Variants in TRIM5 observed in about 807,000 individuals in gnomAD.
TRIM5 encodes the protein tripartite motif containing 5.
Under a neutral mutation model 35.6 loss-of-function variants are expected in TRIM5, and 31 were observed. The ratio of observed to expected loss-of-function variants is 0.87; its 90% CI spans 0.65 to 1.18. The LOEUF is 1.18. TRIM5 is among the 50% of genes most tolerant of loss of function. The pLI is 0.00. For missense variants in TRIM5, 609 were observed against 591.6 expected (o/e 1.03, Z -0.31); for synonymous variants, 243 against 215.6 (o/e 1.13, Z -1.11).
At chr11:5,665,557 T>A (rs771427079) in intron 7 of TRIM5, 99 bp downstream of exon 7, 54 of 1,577,706 alleles carry the variant, frequency 3.4e-5, no homozygotes, top group Non-Finnish European at 4.4e-5. Flanking sequence ...TCATAAATCT[T>A]AAAACATGAG....
chr11:5,667,831 G>C, intron 4 of TRIM5, 120 bp from the exon 5 acceptor site: 1 of 1,082,270 alleles, frequency 9.2e-7, no homozygotes, highest in Non-Finnish European at 1.3e-6. Context: ...CAGTGTGAAA[G>C]ACAAAAAAGC....
chr11:5,684,047 A>C (rs1852809784), intron 1 of TRIM5: 1 of 154,408 alleles, frequency 6.5e-6, no homozygotes, highest in Non-Finnish European at 1.4e-5. Context: ...GAAAGAAGAA[A>C]CTCTGAACAC....
the TRIM5 span, among the ~76,000 whole-genome samples, chr11:5,616,803 G>A: frequency 2.1e-5 from 3 of 140,346 alleles, no homozygotes; most frequent in East Asian, 2.3e-4. Context: ...GCAGTGGCAC[G>A]ATCTCGGCTC....
At chr11:5,670,843 C>T (rs1181982751) in intron 4 of TRIM5, among the ~76,000 whole-genome samples, 1 of 152,156 alleles carries the variant, frequency 6.6e-6, no homozygotes, top group Non-Finnish European at 1.5e-5. Flanking sequence ...TTAAACACAG[C>T]AGAGACATTA....
chr11:5,600,194 C>A, the TRIM5 span, among the ~76,000 whole-genome samples: 1 of 152,162 alleles, frequency 6.6e-6, no homozygotes, highest in Non-Finnish European at 1.5e-5. Context: ...AGCTCTGCAG[C>A]CTGCGTATCT....
chr11:5,670,914 G>A (rs58200149), intron 4 of TRIM5, among the ~76,000 whole-genome samples: 22,218 of 152,096 alleles, frequency 0.15, 2,496 homozygotes, highest in East Asian at 0.44. Context: ...GTAGAGACTA[G>A]AGGATGGGAA....
rs1009057676 is a variant in TRIM5 at position 5,663,731 on chromosome 11, G to C, written c.*1078C>G. The C allele has an allele frequency of 3.6e-6, 1 of 281,348 alleles. No homozygotes were observed. Among genetic ancestry groups the C allele is most frequent in the Non-Finnish European group, 5.4e-6 (1 of 186,340 alleles). The allele number at this position is 281,348 out of a possible 1,614,324, so 17.4% of individuals were successfully genotyped here. A position where few individuals can be genotyped will look rare whatever the true frequency, so the allele number is the denominator to read the frequency against. On this transcript the variant is annotated 3_prime_UTR_variant, in exon 8 of 8. Transcript: ENST00000380034. ...CGTAATAACCGAACCAGGGTAATTA[G>C]CATATCCATCACCTCAAATATGTGT... is the stretch of plus-strand genomic sequence containing the variant.
chr11:5,646,302 C>T, the TRIM5 span, among the ~76,000 whole-genome samples: 702 of 152,114 alleles, frequency 4.6e-3, 3 homozygotes, highest in Non-Finnish European at 8.0e-3. Flanking sequence ...GCAGCACTGA[C>T]GTCAATTTTT....
At chr11:5,646,820 G>C in the TRIM5 span, among the ~76,000 whole-genome samples, 1 of 152,144 alleles carries the variant, frequency 6.6e-6, no homozygotes, top group African/African-American at 2.4e-5. Flanking sequence ...CTCTCTGTAT[G>C]ACCATGGGAT....
the TRIM5 span, chr11:5,603,718 G>C: frequency 6.2e-7 from 1 of 1,613,370 alleles, no homozygotes; most frequent in African/African-American, 1.3e-5. Flanking sequence ...CGTGGAGGAG[G>C]TTGCCCAGGA....
the TRIM5 span, among the ~76,000 whole-genome samples, chr11:5,633,069 A>G: frequency 6.7e-6 from 1 of 148,174 alleles, no homozygotes; most frequent in Non-Finnish European, 1.5e-5. Flanking sequence ...TGAACTCCTA[A>G]TCTTGTGATC....
the TRIM5 span, among the ~76,000 whole-genome samples, chr11:5,595,766 G>T: frequency 6.7e-6 from 1 of 150,282 alleles, no homozygotes; most frequent in African/African-American, 2.4e-5. Flanking sequence ...CTCCAGGCTG[G>T]AGTGCAACCT....
chr11:5,665,510 T>C (rs780192440), intron 7 of TRIM5, 115 bp from the exon 8 acceptor site: 1 of 1,548,938 alleles, frequency 6.5e-7, no homozygotes, highest in Non-Finnish European at 8.7e-7. Flanking sequence ...TTAGAAGTTA[T>C]AAGGAGGGGT....
the TRIM5 span, chr11:5,643,736 C>G: frequency 1.2e-5 from 19 of 1,549,290 alleles, no homozygotes; most frequent in East Asian, 2.5e-4. Context: ...ACCTACAACC[C>G]TTTGTCTTGA....
At chr11:5,643,740 G>T in the TRIM5 span, 2 of 1,541,432 alleles carry the variant, frequency 1.3e-6, no homozygotes, top group East Asian at 2.3e-5. Flanking sequence ...ACAACCCTTT[G>T]TCTTGACTTA....
At chr11:5,622,549 C>T in the TRIM5 span, among the ~76,000 whole-genome samples, 1 of 151,804 alleles carries the variant, frequency 6.6e-6, no homozygotes, top group Non-Finnish European at 1.5e-5. Flanking sequence ...ACCTGGGAGG[C>T]GGAGGTTGCG....
the TRIM5 span, chr11:5,596,546 C>CCCTTCCCCCTTCCCCTCCCT: frequency 8.6e-6 from 1 of 115,822 alleles, no homozygotes; most frequent in Admixed American, 9.0e-5. Context: ...TCCCCCTTCC[C>CCCTTCCCCCTTCCCCTCCCT]CCTTCCCCCT....
intron 7 of TRIM5, 88 bp downstream of exon 7, chr11:5,665,568 C>T (rs1851066703): frequency 6.3e-7 from 1 of 1,583,200 alleles, no homozygotes; most frequent in Non-Finnish European, 8.5e-7. Context: ...AAAACATGAG[C>T]CTAATAGAGA....
At position 5,679,654 on chromosome 11, in the gene TRIM5, C is replaced by T. The variant is rs1237532787; in HGVS notation, c.417+107G>A. On this transcript the variant is annotated intron_variant, in intron 2 of 7. Transcript: ENST00000380034. ...AAGCATAGCATGAAAAAAATAATCCCGGGTCTCAGGTCTATCATGACAAGG... is the reference window on the plus strand; with the variant it reads ...AAGCATAGCATGAAAAAAATAATCCTGGGTCTCAGGTCTATCATGACAAGG... 3 of 1,226,456 alleles carry T rather than the reference C, an allele frequency of 2.4e-6. No individual in the cohort carries two copies. The African/African-American group carries it at 4.5e-5, about 19-fold the overall frequency. 76.0% of individuals were successfully genotyped at this position (1,226,456 alleles called of 1,614,324 possible).
Sources: gnomAD v4.1 joint callset for allele counts (sites outside exome capture counted in the v4.1 genomes callset) on GRCh38, gnomAD v4.1.1 for gene constraint, MANE v1.5 for transcripts, NCBI Gene and HGNC (gene_info 2026-07-23, HGNC 2026-07-21) for gene names.